Variants in PALM2AKAP2 observed in about 807,000 individuals in gnomAD.
PALM2AKAP2 encodes PALM2 and AKAP2 fusion.
Under a neutral mutation model 71.5 loss-of-function variants are expected in PALM2AKAP2, and 37 were observed. The ratio of observed to expected loss-of-function variants is 0.52; its 90% CI spans 0.40 to 0.68. The LOEUF is 0.68. Ranked by LOEUF, PALM2AKAP2 falls within the 30% of genes least tolerant of loss-of-function variation. PALM2AKAP2 has a pLI of 0.00. For missense variants in PALM2AKAP2, 1,224 were observed against 1,191.8 expected, an observed-to-expected ratio of 1.03 and a Z score of -0.40; for synonymous variants, 468 against 478.8, an observed-to-expected ratio of 0.98 and a Z score of 0.29.
At chr9:109,843,856 A>G (rs565531888) in intron 1 of PALM2AKAP2, among the ~76,000 whole-genome samples, 1 of 152,314 alleles carries the variant, frequency 6.6e-6, no homozygotes, top group South Asian at 2.1e-4. Context: ...GCTGCCTATC[A>G]GTGGCCTTCT....
chr9:110,125,317 G>A (rs902129265), intron 1 of PALM2AKAP2, among the ~76,000 whole-genome samples: 2 of 152,188 alleles, frequency 1.3e-5, no homozygotes, highest in South Asian at 2.1e-4. Context: ...GCTCAGCCTT[G>A]AGCGTGACAG....
At chr9:109,948,320 CA>C (rs1831558997) in intron 6 of PALM2AKAP2, among the ~76,000 whole-genome samples, 1 of 152,148 alleles carries the variant, frequency 6.6e-6, no homozygotes, top group South Asian at 2.1e-4. Flanking sequence ...GCTTCCCCAG[CA>C]TAATTTTTAT....
intron 3 of PALM2AKAP2, among the ~76,000 whole-genome samples, chr9:110,162,566 A>G (rs990191117): frequency 6.6e-6 from 1 of 152,236 alleles, no homozygotes; most frequent in African/African-American, 2.4e-5. Flanking sequence ...ACATAAAGCT[A>G]GAAAGCTCCA....
At chr9:109,986,222 G>T (rs1338697481) in intron 6 of PALM2AKAP2, among the ~76,000 whole-genome samples, 1 of 151,606 alleles carries the variant, frequency 6.6e-6, no homozygotes, top group Non-Finnish European at 1.5e-5. Flanking sequence ...GGGGGTAAAA[G>T]TGTATTTGAT....
intron 1 of PALM2AKAP2, among the ~76,000 whole-genome samples, chr9:109,842,113 A>G (rs1051995875): frequency 2.0e-5 from 3 of 152,076 alleles, no homozygotes; most frequent in Non-Finnish European, 2.9e-5. Context: ...TCCCATTCAC[A>G]TATAAGATGG....
chr9:110,096,343 A>G (rs1401925949), intron 1 of PALM2AKAP2, among the ~76,000 whole-genome samples: 1 of 152,012 alleles, frequency 6.6e-6, no homozygotes, highest in African/African-American at 2.4e-5. Context: ...ATGTCACTGT[A>G]GCTTCAACCT....
At position 110,058,077 on chromosome 9, in the gene PALM2AKAP2, C is replaced by T. The variant is rs565752601; in HGVS notation, c.156+9222C>T. ...CCCCCTTCCACCAACAAAGAATTAT[C>T]CTGCACAAAATATCAATGGTGCCAA... On this transcript the variant is annotated intron_variant, in intron 1 of 3. Coordinates refer to ENST00000374525, the Ensembl canonical transcript of PALM2AKAP2. 6.6e-5 allele frequency among the ~76,000 whole-genome samples: 10 copies of T among 152,278 alleles called. No individual in the cohort carries two copies. The South Asian group carries it at 2.1e-3, about 32-fold the overall frequency.
At chr9:109,976,359 G>A (rs761795229) in intron 6 of PALM2AKAP2, among the ~76,000 whole-genome samples, 20 of 152,224 alleles carry the variant, frequency 1.3e-4, no homozygotes, top group Non-Finnish European at 2.4e-4. Flanking sequence ...GGCATAGAAA[G>A]GTGAAGAAGC....
chr9:109,743,884 A>C (rs73529189), intron 1 of PALM2AKAP2, among the ~76,000 whole-genome samples: 6,402 of 152,294 alleles, frequency 0.042, 272 homozygotes, highest in African/African-American at 0.11. Context: ...TGAATAAAGA[A>C]TGAATTCCAG....
intron 1 of PALM2AKAP2, among the ~76,000 whole-genome samples, chr9:109,818,996 G>A (rs918262595): frequency 2.0e-5 from 3 of 152,154 alleles, no homozygotes; most frequent in Non-Finnish European, 4.4e-5. Flanking sequence ...TGACACGAAG[G>A]CATCTTTCCA....
At chr9:109,706,421 A>T (rs1461794753) in intron 1 of PALM2AKAP2, among the ~76,000 whole-genome samples, 3 of 152,220 alleles carry the variant, frequency 2.0e-5, no homozygotes, top group Admixed American at 6.5e-5. Context: ...ATTGGTAAGG[A>T]TGTAGAGAAA....
chr9:110,128,721 T>TGGTG (rs2119048279), intron 1 of PALM2AKAP2, among the ~76,000 whole-genome samples: 1 of 152,304 alleles, frequency 6.6e-6, no homozygotes, highest in South Asian at 2.1e-4. Flanking sequence ...AGCCTGAGGA[T>TGGTG]GGTGGGGCAG....
At chr9:109,876,812 T>A (rs910264319) in intron 2 of PALM2AKAP2, among the ~76,000 whole-genome samples, 1 of 152,128 alleles carries the variant, frequency 6.6e-6, no homozygotes, top group African/African-American at 2.4e-5. Context: ...GAGCCTCTCT[T>A]CCTGGCTCCT....
chr9:109,862,033 TC>T (rs764091280), intron 1 of PALM2AKAP2, among the ~76,000 whole-genome samples: 3 of 152,202 alleles, frequency 2.0e-5, no homozygotes, highest in Non-Finnish European at 2.9e-5. Context: ...TCAGCCAAGA[TC>T]CTTGTCCTCA....
intron 1 of PALM2AKAP2, among the ~76,000 whole-genome samples, chr9:109,713,682 A>G (rs1473572312): frequency 1.3e-5 from 2 of 152,328 alleles, no homozygotes; most frequent in African/African-American, 4.8e-5. Context: ...GTATGACTCC[A>G]ACTATGTGAT....
intron 1 of PALM2AKAP2, among the ~76,000 whole-genome samples, chr9:109,848,179 G>T (rs1353328978): frequency 2.0e-5 from 3 of 152,180 alleles, no homozygotes; most frequent in Non-Finnish European, 4.4e-5. Context: ...AATCTCCTAT[G>T]GCTCTTCTTC....
intron 3 of PALM2AKAP2, among the ~76,000 whole-genome samples, chr9:109,897,669 G>A (rs1830233839): frequency 6.6e-6 from 1 of 152,146 alleles, no homozygotes; most frequent in Non-Finnish European, 1.5e-5. Flanking sequence ...CAAATGGAAT[G>A]ATTCTCAGAC....
At chr9:109,817,348 C>T (rs1827880037) in intron 1 of PALM2AKAP2, among the ~76,000 whole-genome samples, 1 of 152,180 alleles carries the variant, frequency 6.6e-6, no homozygotes, top group Non-Finnish European at 1.5e-5. Context: ...GCATCTGAGC[C>T]TGCCTGGTAT....
intron 1 of PALM2AKAP2, among the ~76,000 whole-genome samples, chr9:109,739,475 C>T (rs1828686728): frequency 6.6e-6 from 1 of 152,174 alleles, no homozygotes; most frequent in African/African-American, 2.4e-5. Flanking sequence ...GTGTATAGAT[C>T]ACTGATTCAA....
Sources: gnomAD v4.1 joint callset for allele counts (sites outside exome capture counted in the v4.1 genomes callset) on GRCh38, gnomAD v4.1.1 for gene constraint, MANE v1.5 for transcripts, NCBI Gene and HGNC (gene_info 2026-07-23, HGNC 2026-07-21) for gene names.